STXBP5L: variants seen among roughly 807,000 people sequenced by gnomAD.
STXBP5L encodes the protein syntaxin-binding protein 5-like.
Under a neutral mutation model 144.5 loss-of-function variants are expected in STXBP5L, and 65 were observed. That is an observed-to-expected ratio of 0.45 (90% CI 0.37 to 0.55). The LOEUF (loss-of-function observed/expected upper bound fraction) is 0.55, where lower values mean the gene tolerates loss of function less well. STXBP5L is among the 20% of genes least tolerant of loss of function. The pLI is 0.00. For synonymous variants in STXBP5L, 505 were observed against 469.6 expected (o/e 1.08, Z -0.97); for missense variants, 1,298 against 1,405.5 (o/e 0.92, Z 1.22).
intron 5 of STXBP5L, among the ~76,000 whole-genome samples, chr3:121,085,824 T>C (rs1004440208): frequency 6.6e-6 from 1 of 152,130 alleles, no homozygotes; most frequent in South Asian, 2.1e-4. Context: ...AAACAAATTC[T>C]TTAAAAATCA....
chr3:120,977,917 G>T (rs1409955978), intron 3 of STXBP5L, among the ~76,000 whole-genome samples: 1 of 152,242 alleles, frequency 6.6e-6, no homozygotes, highest in African/African-American at 2.4e-5. Context: ...GAGATCTGCT[G>T]TTAGTCTGAT....
At chr3:121,400,880 T>C (rs1251269416) in intron 22 of STXBP5L, among the ~76,000 whole-genome samples, 4 of 152,142 alleles carry the variant, frequency 2.6e-5, no homozygotes, top group Non-Finnish European at 4.4e-5. Context: ...TGTTCTTATA[T>C]AGAATATTAT....
chr3:121,091,955 A>G (rs937457337), intron 5 of STXBP5L, among the ~76,000 whole-genome samples: 6 of 152,106 alleles, frequency 3.9e-5, no homozygotes, highest in Non-Finnish European at 7.4e-5. Flanking sequence ...TTTTTGTATA[A>G]GGTGTAAGGA....
intron 11 of STXBP5L, among the ~76,000 whole-genome samples, chr3:121,227,042 G>A (rs1042186600): frequency 6.6e-6 from 1 of 152,020 alleles, no homozygotes; most frequent in Non-Finnish European, 1.5e-5. Flanking sequence ...GCTTTCAAGA[G>A]AGATAAGATT....
At chr3:121,258,461 A>AAAATGTAC (rs1338317506) in intron 17 of STXBP5L, among the ~76,000 whole-genome samples, 2 of 152,206 alleles carry the variant, frequency 1.3e-5, no homozygotes, top group African/African-American at 4.8e-5. Context: ...TGATGTACAT[A>AAAATGTAC]AAAAGAAGGA....
intron 22 of STXBP5L, among the ~76,000 whole-genome samples, chr3:121,389,940 T>C (rs567466057): frequency 6.6e-6 from 1 of 152,348 alleles, no homozygotes; most frequent in East Asian, 1.9e-4. Flanking sequence ...CTGGATATCC[T>C]TGTTAACCTT....
intron 3 of STXBP5L, among the ~76,000 whole-genome samples, chr3:121,009,470 G>T (rs1036184995): frequency 6.6e-6 from 1 of 151,942 alleles, no homozygotes; most frequent in African/African-American, 2.4e-5. Context: ...TGCTCAGTGG[G>T]AGGAATTCCC....
chr3:121,334,698 A>T (rs752873726), intron 20 of STXBP5L, among the ~76,000 whole-genome samples: 13 of 152,222 alleles, frequency 8.5e-5, no homozygotes, highest in Non-Finnish European at 1.6e-4. Context: ...ATGCAAATCA[A>T]TAAATGTGAT....
intron 2 of STXBP5L, among the ~76,000 whole-genome samples, chr3:120,927,324 T>A (rs1330720034): frequency 1.3e-5 from 2 of 152,208 alleles, no homozygotes; most frequent in Admixed American, 6.5e-5. Context: ...ATGGATGAAC[T>A]TCCTATAGCA....
intron 19 of STXBP5L, among the ~76,000 whole-genome samples, chr3:121,303,283 A>G (rs1243959965): frequency 6.6e-6 from 1 of 151,960 alleles, no homozygotes. Flanking sequence ...AAAAATGCTC[A>G]TCATCACTGG....
At chr3:121,380,569 G>A (rs891758492) in intron 21 of STXBP5L, among the ~76,000 whole-genome samples, 12 of 152,004 alleles carry the variant, frequency 7.9e-5, no homozygotes, top group Non-Finnish European at 1.5e-4. Context: ...AAGTGTTGAT[G>A]AGAGGAGAAC....
At chr3:120,926,391 G>T (rs1362919412) in intron 2 of STXBP5L, among the ~76,000 whole-genome samples, 1 of 147,952 alleles carries the variant, frequency 6.8e-6, no homozygotes, top group Non-Finnish European at 1.5e-5. Flanking sequence ...CTCCCTGCTG[G>T]CCTATATAGT....
intron 9 of STXBP5L, among the ~76,000 whole-genome samples, chr3:121,168,079 G>C (rs1044649280): frequency 1.3e-5 from 2 of 152,034 alleles, no homozygotes; most frequent in Admixed American, 6.6e-5. Flanking sequence ...AGCAGACCTG[G>C]AGAAAAAGGC....
At chr3:121,051,777 C>T (rs1427430723) in intron 5 of STXBP5L, among the ~76,000 whole-genome samples, 1 of 151,992 alleles carries the variant, frequency 6.6e-6, no homozygotes, top group African/African-American at 2.4e-5. Flanking sequence ...AAAAACCCTT[C>T]AAAAAATTAA....
chr3:120,962,567 G>T (rs1356577230), intron 3 of STXBP5L, among the ~76,000 whole-genome samples: 1 of 152,074 alleles, frequency 6.6e-6, no homozygotes, highest in Non-Finnish European at 1.5e-5. Flanking sequence ...TGTCAGATTT[G>T]TCAAAGATCA....
chr3:120,979,553 A>T (rs939480463), intron 3 of STXBP5L, among the ~76,000 whole-genome samples: 2 of 152,066 alleles, frequency 1.3e-5, no homozygotes, highest in Non-Finnish European at 2.9e-5. Flanking sequence ...CACTGCACCC[A>T]CTGTCCTGCA....
chr3:121,412,727 C>CAAAAAAAAAAA (rs35247157), intron 23 of STXBP5L, among the ~76,000 whole-genome samples: 38 of 69,598 alleles, frequency 5.5e-4, no homozygotes, highest in Non-Finnish European at 7.3e-4. Context: ...TTTCTCCCTC[C>CAAAAAAAAAAA]AAAAAAAAAA....
At chr3:121,031,597 C>T (rs570167726) in intron 3 of STXBP5L, among the ~76,000 whole-genome samples, 15 of 152,134 alleles carry the variant, frequency 9.9e-5, no homozygotes, top group African/African-American at 2.9e-4. Flanking sequence ...AGGCCTTCAA[C>T]AGAAGGCCAA....
rs138522753 is a variant in STXBP5L at position 121,130,664 on chromosome 3, G to A, written c.669+8960G>A. Among the ~76,000 whole-genome samples the A allele has an allele frequency of 7.2e-3, 1,100 of 152,098 alleles. 18 individuals are homozygous for A. Among genetic ancestry groups the A allele is most frequent in the African/African-American group, 0.025 (1,041 of 41,502 alleles). On this transcript the variant is annotated intron_variant, in intron 7 of 26. Coordinates refer to ENST00000471454, the MANE Select transcript of STXBP5L (RefSeq NM_001308330.2). ...TAAGGGCTAACCCTGAATGACCCTG[G>A]TAAAGAAAATCATCACAATTGGTAG...
Sources: allele counts gnomAD v4.1 joint callset (sites outside exome capture counted in the v4.1 genomes callset), GRCh38; gene constraint gnomAD v4.1.1; transcripts MANE v1.5; gene names NCBI Gene and HGNC (gene_info 2026-07-23, HGNC 2026-07-21).